NTM: variants seen among roughly 807,000 people sequenced by gnomAD.
The protein encoded by NTM is neurotrimin, also known as IgLON family member 2.
NTM carries 13 observed loss-of-function variants against 42.1 expected under a neutral mutation model. That is an observed-to-expected ratio of 0.31 (90% CI 0.20 to 0.49). NTM has a LOEUF of 0.49. Ranked by LOEUF, NTM falls within the 20% of genes least tolerant of loss-of-function variation. The probability of loss-of-function intolerance (pLI) is 0.99; values close to 1 mark genes in which losing one functional copy is unlikely to be tolerated. For missense variants in NTM, 373 were observed against 452.8 expected (o/e 0.82, Z 1.60); for synonymous variants, 187 against 179.2 (o/e 1.04, Z -0.35).
intron 1 of NTM, among the ~76,000 whole-genome samples, chr11:131,830,799 G>A (rs1484175886): frequency 2.6e-5 from 4 of 152,166 alleles, no homozygotes; most frequent in Admixed American, 6.5e-5. Flanking sequence ...TCCAATCTGT[G>A]AGCATGGACT....
intron 1 of NTM, among the ~76,000 whole-genome samples, chr11:131,769,251 T>C (rs2085641098): frequency 6.6e-6 from 1 of 151,794 alleles, no homozygotes. Context: ...TTTTCCTCCA[T>C]TCTTTCAGTT....
intron 1 of NTM, among the ~76,000 whole-genome samples, chr11:131,596,004 C>T (rs1337194938): frequency 6.6e-6 from 1 of 152,216 alleles, no homozygotes; most frequent in African/African-American, 2.4e-5. Flanking sequence ...ATCTGCATGG[C>T]AGGCTGGAAG....
intron 2 of NTM, among the ~76,000 whole-genome samples, chr11:132,076,882 T>C (rs2058435907): frequency 6.6e-6 from 1 of 152,250 alleles, no homozygotes; most frequent in Non-Finnish European, 1.5e-5. Context: ...ATCATTTTTA[T>C]TACCCATCTC....
chr11:131,519,994 G>A (rs945882982), intron 1 of NTM, among the ~76,000 whole-genome samples: 10 of 151,648 alleles, frequency 6.6e-5, no homozygotes, highest in Non-Finnish European at 1.0e-4. Flanking sequence ...AGGTAGTTAT[G>A]ACCAGCCCAA....
chr11:131,380,985 C>T (rs1412721779), intron 1 of NTM, among the ~76,000 whole-genome samples: 1 of 152,146 alleles, frequency 6.6e-6, no homozygotes, highest in Non-Finnish European at 1.5e-5. Flanking sequence ...AGTAATCCCT[C>T]CTGGCTGTAA....
intron 2 of NTM, among the ~76,000 whole-genome samples, chr11:131,950,438 C>T (rs1423508533): frequency 6.6e-6 from 1 of 152,202 alleles, no homozygotes; most frequent in Non-Finnish European, 1.5e-5. Context: ...GTTCACCTGC[C>T]TCACCTATAC....
At chr11:131,429,194 A>G (rs891465657) in intron 1 of NTM, among the ~76,000 whole-genome samples, 2 of 152,192 alleles carry the variant, frequency 1.3e-5, no homozygotes, top group Admixed American at 6.5e-5. Flanking sequence ...TGGTGACAAG[A>G]AAACTGAAAA....
chr11:132,161,972 C>T (rs2074384175), intron 3 of NTM, among the ~76,000 whole-genome samples: 1 of 152,166 alleles, frequency 6.6e-6, no homozygotes, highest in Admixed American at 6.5e-5. Flanking sequence ...CCTTAGGGAA[C>T]CCACATCCAA....
At position 131,657,053 on chromosome 11, in the gene NTM, C is replaced by T. The variant is rs116370735; in HGVS notation, c.83-254511C>T. Among the ~76,000 whole-genome samples, 623 of 151,124 alleles carry T rather than the reference C, an allele frequency of 4.1e-3. 6 individuals carry two copies. The highest frequency in any genetic ancestry group is 0.015 in the African/African-American group (598 of 41,094). ...TCTGCATTGTTAGCGGGGAGGAAGG[C>T]GGGCCTGGAGAAGGTCAAGCCCTTC... On this transcript the variant is annotated intron_variant, in intron 1 of 8. Transcript: ENST00000683400.
chr11:132,273,322 T>G (rs909935217), intron 4 of NTM, among the ~76,000 whole-genome samples: 6 of 145,170 alleles, frequency 4.1e-5, no homozygotes, highest in East Asian at 4.0e-4. Flanking sequence ...TTTTTTTTTT[T>G]TTTTTTTTTT....
At chr11:132,177,430 G>A (rs2076983321) in intron 3 of NTM, among the ~76,000 whole-genome samples, 1 of 152,198 alleles carries the variant, frequency 6.6e-6, no homozygotes, top group African/African-American at 2.4e-5. Flanking sequence ...ATGGGTACTG[G>A]AATGTTAATA....
rs1167726514 is a variant in NTM, at chr11:132,134,729, ATATATATATATATATATAT to A, written c.168-11552_168-11534del. Among the ~76,000 whole-genome samples the A allele has an allele frequency of 2.8e-5, 2 of 71,016 alleles. 1 individual carries two copies. The highest frequency in any genetic ancestry group is 1.9e-4 in the African/African-American group (2 of 10,418). 46.6% of individuals were successfully genotyped at this position (71,016 alleles called of 152,430 possible). A position where few individuals can be genotyped will look rare whatever the true frequency, so the allele number is the denominator to read the frequency against. ...GGTATATATATATATATATATATAT[ATATATATATATATATATAT>A]ATATATATATATCTCACATTTTCTT... On this transcript the variant is annotated intron_variant, in intron 2 of 8. Transcript: ENST00000683400.
intron 1 of NTM, among the ~76,000 whole-genome samples, chr11:131,573,176 C>T (rs1004205579): frequency 2.0e-5 from 3 of 152,144 alleles, no homozygotes; most frequent in Non-Finnish European, 4.4e-5. Context: ...ACCTGCTGCC[C>T]GGAGCCCATG....
intron 1 of NTM, among the ~76,000 whole-genome samples, chr11:131,513,203 C>A (rs1165026548): frequency 6.6e-6 from 1 of 152,202 alleles, no homozygotes; most frequent in Non-Finnish European, 1.5e-5. Flanking sequence ...AAAGTGAGAT[C>A]AATTCTTTCC....
At position 132,003,736 on chromosome 11, in the gene NTM, C is replaced by G. The variant is rs957506807; in HGVS notation, c.167+92088C>G. On this transcript the variant is annotated intron_variant, in intron 2 of 8. Transcript: ENST00000683400. This position sits in a 1 kb window ranked among gnomAD's most constrained non-coding sequence, Gnocchi z 6.0. ...ACTCTTTCCCATGGTACAAAACCCT[C>G]CTTAATTGCCTCCTTGGAATCTACA... is the stretch of plus-strand genomic sequence containing the variant. Among the ~76,000 whole-genome samples, 5 of 150,640 alleles carry G rather than the reference C, an allele frequency of 3.3e-5. No individual in the cohort carries two copies. The highest frequency in any genetic ancestry group is 1.2e-4 in the African/African-American group (5 of 40,844).
chr11:132,192,966 G>A (rs1049592833), intron 3 of NTM, among the ~76,000 whole-genome samples: 2 of 152,086 alleles, frequency 1.3e-5, no homozygotes, highest in East Asian at 1.9e-4. Flanking sequence ...TCTTAAATAT[G>A]TACAAACCCA....
chr11:131,441,409 T>G (rs1045548192), intron 1 of NTM, among the ~76,000 whole-genome samples: 2 of 152,200 alleles, frequency 1.3e-5, no homozygotes, highest in African/African-American at 4.8e-5. Flanking sequence ...CTGTTTATCC[T>G]TTACTCTGAT....
chr11:132,322,999 A>G (rs1323735128), intron 7 of NTM, among the ~76,000 whole-genome samples: 2 of 137,964 alleles, frequency 1.4e-5, no homozygotes, highest in Non-Finnish European at 3.2e-5. Context: ...AAGACACAAC[A>G]TACCAGAATC....
Position 131,670,261 on chromosome 11 carries a change from G to A in NTM, c.83-241303G>A, listed in dbSNP as rs904486391. Among the ~76,000 whole-genome samples, 3 of 151,970 alleles carry A rather than the reference G, an allele frequency of 2.0e-5. No homozygotes were observed. The South Asian group carries it at 6.3e-4, about 32-fold the overall frequency. On this transcript the variant is annotated intron_variant, in intron 1 of 8. Coordinates refer to ENST00000683400, the MANE Select transcript of NTM (RefSeq NM_001352005.2). ...CCCTTTGGCAAAAAGTGGGCTCGGAGGTTTTAAGCAAAATGAACCAAAGAA... is the reference window on the plus strand; with the variant it reads ...CCCTTTGGCAAAAAGTGGGCTCGGAAGTTTTAAGCAAAATGAACCAAAGAA...
Sources: allele counts gnomAD v4.1 joint callset (sites outside exome capture counted in the v4.1 genomes callset), GRCh38; gene constraint gnomAD v4.1.1; non-coding constraint Gnocchi (gnomAD v3.1); transcripts MANE v1.5; gene names NCBI Gene and HGNC (gene_info 2026-07-23, HGNC 2026-07-21).